TLCD3B: variants seen among roughly 807,000 people sequenced by gnomAD.
TLCD3B encodes ceramide synthase.
TLCD3B carries 9 observed loss-of-function variants against 23.0 expected under a neutral mutation model. The observed-to-expected ratio is 0.39, with a 90% CI of 0.24 to 0.68. The LOEUF (loss-of-function observed/expected upper bound fraction) is 0.68, where lower values mean the gene tolerates loss of function less well. TLCD3B is among the 30% of genes least tolerant of loss of function. The probability of loss-of-function intolerance (pLI) is 0.44; values close to 1 mark genes in which losing one functional copy is unlikely to be tolerated. For synonymous variants in TLCD3B, 161 were observed against 161.0 expected, an observed-to-expected ratio of 1.00 and a Z score of 0.00; for missense variants, 307 against 371.8, an observed-to-expected ratio of 0.83 and a Z score of 1.43.
chr16:30,026,543 G>T, intron 3 of TLCD3B, 66 bp downstream of exon 3: 1 of 1,429,740 alleles, frequency 7.0e-7, no homozygotes, highest in Non-Finnish European at 9.7e-7. Context: ...CCAGGCTCCT[G>T]CCAGCACCAG....
chr16:30,052,787 G>T (rs2071788116), exon 1 of TLCD3B: 1 of 152,086 alleles, frequency 6.6e-6, no homozygotes, highest in South Asian at 2.1e-4. Context: ...ATCCCTGAGC[G>T]GCAGGCGTTT....
chr16:30,045,265 GT>G (rs1189717320), intron 2 of TLCD3B, among the ~76,000 whole-genome samples: 1 of 150,654 alleles, frequency 6.6e-6, no homozygotes. Flanking sequence ...TGGTGTGTGT[GT>G]GATGTGTGTG....
rs1403758066 is a variant in TLCD3B at position 30,036,454 on chromosome 16, G to A, written c.-66-240C>T. ...GGAGCAGGCACAGGCAGGATGAAGG[G>A]AACCAGGTCCTGCCATCCTGCCTTC... On this transcript the variant is annotated intron_variant, in intron 3 of 6. Coordinates refer to the TLCD3B transcript ENST00000561666. The A allele has an allele frequency of 3.3e-6, 4 of 1,229,806 alleles. No homozygotes were observed. In the African/African-American group the frequency reaches 6.3e-5, roughly 19 times the overall value. The allele number at this position is 1,229,806 out of a possible 1,614,324, so 76.2% of individuals were successfully genotyped here. A position where few individuals can be genotyped will look rare whatever the true frequency, so the allele number is the denominator to read the frequency against.
At chr16:30,050,968 CTG>C (rs532741730) in intron 1 of TLCD3B, among the ~76,000 whole-genome samples, 13 of 151,996 alleles carry the variant, frequency 8.6e-5, no homozygotes, top group East Asian at 7.7e-4. Flanking sequence ...GTGCAAGTGT[CTG>C]TGTGTGTGTG....
intron 3 of TLCD3B, among the ~76,000 whole-genome samples, chr16:30,040,481 A>C (rs1283997018): frequency 6.6e-6 from 1 of 152,030 alleles, no homozygotes; most frequent in African/African-American, 2.4e-5. Context: ...AGTACATGAC[A>C]AAATCGGTAA....
chr16:30,045,342 T>TTG (rs1307997645), intron 2 of TLCD3B, among the ~76,000 whole-genome samples: 1 of 133,684 alleles, frequency 7.5e-6, no homozygotes, highest in Non-Finnish European at 1.6e-5. Context: ...TTGTGTGTGT[T>TTG]TGTGTGTGTG....
intron 3 of TLCD3B, chr16:30,036,500 C>T (rs2071476999): frequency 9.5e-7 from 1 of 1,052,992 alleles, no homozygotes; most frequent in African/African-American, 1.7e-5. Context: ...TTCCAAGGGA[C>T]CTTCTCGGGA....
intron 3 of TLCD3B, 30 bp downstream of exon 3, chr16:30,026,579 A>ACCC: frequency 2.5e-6 from 4 of 1,585,768 alleles, no homozygotes; most frequent in Non-Finnish European, 3.5e-6. Flanking sequence ...GGCCACCCGC[A>ACCC]CCCCGCCCGC....
Position 30,025,469 on chromosome 16 carries a change from TGAG to T in TLCD3B, c.541-5_541-3del, listed in dbSNP as rs1480022366. The stretch of plus-strand genomic sequence containing the variant: ...CAGCAGTGTGTGCTGCTGCTTGTAC[TGAG>T]GAGACACAGACACAGTGGCCACGGC... On this transcript the variant is annotated splice_polypyrimidine_tract_variant and splice_region_variant and intron_variant, in intron 4 of 4. Transcript: ENST00000380495. This position sits in a 1 kb window ranked among gnomAD's most constrained non-coding sequence, Gnocchi z 4.1. 6.8e-6 allele frequency: 11 copies of T among 1,611,584 alleles called. No individual in the cohort carries two copies. Among genetic ancestry groups the T allele is most frequent in the Non-Finnish European group, 9.3e-6 (11 of 1,179,194 alleles).
Position 30,029,227 on chromosome 16 carries a change from C to A in TLCD3B, c.209+205G>T, listed in dbSNP as rs1268237258. Reference sequence around the variant, plus strand: ...ATCCTCTCTGATCCCCGCTCCTTCTCCCCCTGGTTCTGACCTTTAAGGACA... The same window carrying A: ...ATCCTCTCTGATCCCCGCTCCTTCTACCCCTGGTTCTGACCTTTAAGGACA... On this transcript the variant is annotated intron_variant, in intron 2 of 4. Coordinates refer to ENST00000380495, the MANE Select transcript of TLCD3B (RefSeq NM_031478.6). This position sits in a 1 kb window ranked among gnomAD's most constrained non-coding sequence, Gnocchi z 4.6. Among the ~76,000 whole-genome samples, 1 of 152,172 alleles carries A rather than the reference C, an allele frequency of 6.6e-6. No individual in the cohort carries two copies. Among genetic ancestry groups the A allele is most frequent in the Admixed American group, 6.5e-5 (1 of 15,280 alleles).
At chr16:30,028,706 G>A (rs2071251346) in intron 2 of TLCD3B, among the ~76,000 whole-genome samples, 2 of 152,146 alleles carry the variant, frequency 1.3e-5, no homozygotes, top group South Asian at 4.1e-4. Flanking sequence ...ATGTTCCCTG[G>A]GACTCAGTGG....
rs572870782 is a variant in TLCD3B, at chr16:30,025,542, C to A, written c.541-75G>T. 12 of 1,582,658 alleles carry A rather than the reference C, an allele frequency of 7.6e-6. No homozygotes were observed. In the African/African-American group the frequency reaches 1.2e-4, roughly 16 times the overall value. Reference sequence around the variant, plus strand: ...CCTTGGCCCTCTCCCTGCCTCCCTGCGACCCTAGCAGGCAGCTCCTCCCAA... The same window carrying A: ...CCTTGGCCCTCTCCCTGCCTCCCTGAGACCCTAGCAGGCAGCTCCTCCCAA... On this transcript the variant is annotated intron_variant, in intron 4 of 4. Transcript: ENST00000380495. The surrounding 1 kb of genome is among the most constrained non-coding windows in gnomAD (Gnocchi z 4.1).
intron 3 of TLCD3B, 124 bp downstream of exon 3, chr16:30,026,485 G>T: frequency 1.2e-6 from 1 of 824,964 alleles, no homozygotes; most frequent in Non-Finnish European, 1.9e-6. Context: ...GCTTTCCCTG[G>T]GAATACGCTG....
chr16:30,043,432 T>C (rs1251619444), intron 2 of TLCD3B, among the ~76,000 whole-genome samples: 1 of 152,024 alleles, frequency 6.6e-6, no homozygotes, highest in Non-Finnish European at 1.5e-5. Flanking sequence ...TCTCGATTTG[T>C]TGCCCAGGTT....
At chr16:30,041,195 G>A (rs2071574740) in intron 2 of TLCD3B, 1 of 152,156 alleles carries the variant, frequency 6.6e-6, no homozygotes, top group Non-Finnish European at 1.5e-5. Flanking sequence ...TTGTGGTTTT[G>A]AGCAATGGCT....
At position 30,025,087 on chromosome 16, in the gene TLCD3B, GC is replaced by G; in HGVS notation, c.*95del. 1.2e-6 allele frequency: 1 copy of G among 833,092 alleles called. No individual in the cohort carries two copies. The highest frequency in any genetic ancestry group is 1.8e-6 in the Non-Finnish European group (1 of 558,108). The allele number at this position is 833,092 out of a possible 1,614,324, so 51.6% of individuals were successfully genotyped here. On this transcript the variant is annotated 3_prime_UTR_variant, in exon 5 of 5. Transcript: ENST00000380495. The surrounding 1 kb of genome is among the most constrained non-coding windows in gnomAD (Gnocchi z 4.1). ...CATCGTCAGTCCTGGGGTTGTCCGG[GC>G]AAGAGGACCCTGGCTCCCAACCCCA...
Position 30,026,721 on chromosome 16 carries a change from G to A in TLCD3B, c.332C>T (p.Ala111Val), listed in dbSNP as rs140155911. Residue 111 changes from alanine (A) to valine (V), a missense_variant, in exon 3 of 5, where the codon GCG becomes GTG. Ala to Val is a moderately conservative substitution (Grantham distance 64). Coordinates refer to ENST00000380495, the MANE Select transcript of TLCD3B (RefSeq NM_031478.6). Reference protein sequence around the residue: ...QVKGHGGDDGAARAPGSTWAI... With the variant: ...QVKGHGGDDGVARAPGSTWAI... The stretch of plus-strand genomic sequence containing the variant: ...CCACGTGCTGCCCGGGGCTCTGGCC[G>A]CTCCGTCGTCCCCTCCATGCCCTTT... The A allele has an allele frequency of 3.7e-5, 59 of 1,613,856 alleles. No individual in the cohort carries two copies. Among genetic ancestry groups the A allele is most frequent in the Non-Finnish European group, 4.3e-5 (51 of 1,180,000 alleles).
At chr16:30,048,814 A>G (rs1226295349) in intron 1 of TLCD3B, among the ~76,000 whole-genome samples, 1 of 151,938 alleles carries the variant, frequency 6.6e-6, no homozygotes, top group Non-Finnish European at 1.5e-5. Context: ...TCTGTCACCC[A>G]GGCTGGAGTG....
chr16:30,042,019 C>T (rs541552519), intron 2 of TLCD3B, among the ~76,000 whole-genome samples: 15 of 152,234 alleles, frequency 9.9e-5, no homozygotes, highest in Non-Finnish European at 2.1e-4. Flanking sequence ...ATTATTGTTC[C>T]CCTAAGGAGC....
Sources: allele counts gnomAD v4.1 joint callset (sites outside exome capture counted in the v4.1 genomes callset), GRCh38; gene constraint gnomAD v4.1.1; non-coding constraint Gnocchi (gnomAD v3.1); transcripts MANE v1.5; gene names NCBI Gene and HGNC (gene_info 2026-07-23, HGNC 2026-07-21).